Variants in KHDRBS1 observed in about 807,000 individuals in gnomAD.
The protein encoded by KHDRBS1 is KH domain-containing, RNA-binding, signal transduction-associated protein 1.
In KHDRBS1, 7 loss-of-function variants were observed where a neutral mutation model predicts 48.4. The observed-to-expected ratio is 0.14, with a 90% CI of 0.08 to 0.27. The LOEUF is 0.27. KHDRBS1 is among the 10% of genes least tolerant of loss of function. The probability of loss-of-function intolerance (pLI) is 1.00; values close to 1 mark genes in which losing one functional copy is unlikely to be tolerated. For synonymous variants in KHDRBS1, 241 were observed against 235.8 expected (o/e 1.02, Z -0.20); for missense variants, 458 against 601.2 (o/e 0.76, Z 2.49).
chr1:32,029,894 G>T (rs1254570090), intron 1 of KHDRBS1, among the ~76,000 whole-genome samples: 1 of 152,102 alleles, frequency 6.6e-6, no homozygotes, highest in African/African-American at 2.4e-5. Context: ...AACTTTAATG[G>T]AACTATCCAT....
chr1:32,015,622 C>T (rs1478373036), intron 1 of KHDRBS1, among the ~76,000 whole-genome samples: 3 of 152,158 alleles, frequency 2.0e-5, no homozygotes, highest in Non-Finnish European at 4.4e-5. Flanking sequence ...CACTGCTTAA[C>T]TAAGAGAGTG....
intron 1 of KHDRBS1, 34 bp downstream of exon 1, chr1:32,014,411 C>G: frequency 7.7e-7 from 1 of 1,297,230 alleles, no homozygotes; most frequent in Non-Finnish European, 9.9e-7. Flanking sequence ...CTGGGTCGCC[C>G]GGCCATCCCG....
chr1:32,057,899 C>T (rs1389138121), intron 10 of KHDRBS1, among the ~76,000 whole-genome samples: 2 of 150,670 alleles, frequency 1.3e-5, no homozygotes, highest in African/African-American at 2.4e-5. Context: ...GGCAGATCAC[C>T]TGAGGTCAGG....
chr1:32,024,317 A>AT (rs561759357), intron 1 of KHDRBS1, among the ~76,000 whole-genome samples: 19 of 150,286 alleles, frequency 1.3e-4, no homozygotes, highest in East Asian at 3.9e-4. Flanking sequence ...TTTTTTATTA[A>AT]TTTTTTTTTA....
Position 32,014,216 on chromosome 1 carries a change from C to T in KHDRBS1, c.221C>T (p.Pro74Leu), listed in dbSNP as rs1300613647. ...CTGCTGCCGCCCTCGGCCACGGGTC[C>T]CGACGCGACAGTGGGCGGGCCAGCG... is the stretch of plus-strand genomic sequence containing the variant. ...PPLLPPSATG[P>L]DATVGGPAPT... is the part of the protein sequence containing the mutation. Residue 74 changes from proline to leucine, a missense_variant, in exon 1 of 9, where the codon CCC becomes CTC. By Grantham distance (98) the Pro-to-Leu change is moderately conservative. Transcript: ENST00000327300. 1 of 1,462,914 alleles carries T rather than the reference C, an allele frequency of 6.8e-7. No individual in the cohort carries two copies. Among genetic ancestry groups the T allele is most frequent in the Admixed American group, 2.3e-5 (1 of 43,156 alleles). 90.6% of individuals were successfully genotyped at this position (1,462,914 alleles called of 1,614,324 possible).
At chr1:32,038,067 A>G (rs1406471498) in intron 6 of KHDRBS1, 31 bp downstream of exon 6, 38 of 1,610,002 alleles carry the variant, frequency 2.4e-5, no homozygotes, top group Non-Finnish European at 3.1e-5. Context: ...GCCATTTCCC[A>G]GTACCTAGAA....
chr1:32,024,140 TA>T (rs1212929517), intron 1 of KHDRBS1, among the ~76,000 whole-genome samples: 3 of 151,980 alleles, frequency 2.0e-5, no homozygotes, highest in African/African-American at 7.3e-5. Flanking sequence ...TAATCCCAGC[TA>T]CTCAGGAGGC....
chr1:32,029,131 A>G lies in KHDRBS1; in HGVS notation c.383-1167A>G, dbSNP rs141837891. Among the ~76,000 whole-genome samples the G allele has an allele frequency of 1.8e-3, 272 of 152,274 alleles. 4 individuals are homozygous for G. Among genetic ancestry groups the G allele is most frequent in the Non-Finnish European group, 9.7e-4 (66 of 68,006 alleles). ...GCACTCAAACACTTGCAGTCACTCA[A>G]TGAATGAAGTTCCTTAATGGTAGGA... On this transcript the variant is annotated intron_variant, in intron 1 of 8. Transcript: ENST00000327300.
chr1:32,024,419 T>C (rs1373959211), intron 1 of KHDRBS1, among the ~76,000 whole-genome samples: 1 of 152,026 alleles, frequency 6.6e-6, no homozygotes, highest in Non-Finnish European at 1.5e-5. Context: ...CAAGTGATCG[T>C]CCTGCCTCAG....
intron 10 of KHDRBS1, among the ~76,000 whole-genome samples, chr1:32,049,652 TTTTTTTA>T (rs1175827914): frequency 3.3e-5 from 5 of 150,998 alleles, no homozygotes; most frequent in Non-Finnish European, 7.4e-5. Context: ...ACTCTGTTTA[TTTTTTTA>T]TTTTTTATTT....
At chr1:32,024,795 G>T (rs1157833529) in intron 1 of KHDRBS1, among the ~76,000 whole-genome samples, 2 of 152,160 alleles carry the variant, frequency 1.3e-5, no homozygotes, top group East Asian at 3.9e-4. Flanking sequence ...TATATAGTAG[G>T]CATCAAATAA....
intron 1 of KHDRBS1, among the ~76,000 whole-genome samples, chr1:32,017,371 G>T (rs562441289): frequency 2.0e-5 from 3 of 152,124 alleles, no homozygotes; most frequent in Non-Finnish European, 4.4e-5. Flanking sequence ...CAGACATAAG[G>T]ATTCAATCAT....
chr1:32,032,794 A>G (rs1476284862), intron 3 of KHDRBS1, among the ~76,000 whole-genome samples: 1 of 151,998 alleles, frequency 6.6e-6, no homozygotes, highest in African/African-American at 2.4e-5. Flanking sequence ...GGTTCAAGCA[A>G]TTCTCCTGCC....
intron 1 of KHDRBS1, among the ~76,000 whole-genome samples, chr1:32,014,606 G>A (rs931283923): frequency 6.6e-6 from 1 of 152,212 alleles, no homozygotes; most frequent in African/African-American, 2.4e-5. Flanking sequence ...ATCCCCTAGC[G>A]CTAATGTCTT....
At chr1:32,036,416 G>A (rs551338333) in intron 4 of KHDRBS1, among the ~76,000 whole-genome samples, 1 of 152,022 alleles carries the variant, frequency 6.6e-6, no homozygotes, top group Non-Finnish European at 1.5e-5. Context: ...TGATCTGCCC[G>A]CCTCGGCCTC....
chr1:32,037,573 T>A (rs1157337477), intron 5 of KHDRBS1, among the ~76,000 whole-genome samples: 2 of 152,220 alleles, frequency 1.3e-5, no homozygotes, highest in African/African-American at 4.8e-5. Flanking sequence ...GACTTTAAAA[T>A]TCTACCTTTT....
At chr1:32,045,249 T>TG (rs1639344162), downstream of KHDRBS1, 1 of 152,686 alleles carries the variant, frequency 6.5e-6, no homozygotes, top group Non-Finnish European at 1.5e-5. Context: ...GTAAACTGCA[T>TG]GCAGGATCTC....
intron 2 of KHDRBS1, 99 bp from the exon 3 acceptor site, chr1:32,031,425 C>G (rs555923154): frequency 2.5e-4 from 182 of 715,890 alleles, no homozygotes; most frequent in Non-Finnish European, 3.9e-4. Flanking sequence ...TGGTAATACT[C>G]TACCTTTGCA....
At chr1:32,045,512 C>G (rs1351906634), downstream of KHDRBS1, 3 of 152,480 alleles carry the variant, frequency 2.0e-5, no homozygotes, top group Non-Finnish European at 4.4e-5. Context: ...TCATTTGTAC[C>G]TTATTTACGA....
Sources: gnomAD v4.1 joint callset for allele counts (sites outside exome capture counted in the v4.1 genomes callset) on GRCh38, gnomAD v4.1.1 for gene constraint, MANE v1.5 for transcripts, NCBI Gene and HGNC (gene_info 2026-07-23, HGNC 2026-07-21) for gene names.